CAD: variants seen among roughly 807,000 people sequenced by gnomAD.
CAD encodes the protein multifunctional protein CAD.
Under a neutral mutation model 237.2 loss-of-function variants are expected in CAD, and 81 were observed. That is an observed-to-expected ratio of 0.34 (90% confidence interval 0.29 to 0.41). CAD has a LOEUF of 0.41. Among genes scored for constraint, CAD ranks in the 10% least tolerant of loss-of-function variants. CAD has a pLI of 1.00. For synonymous variants in CAD, 1,196 were observed against 1,162.8 expected (o/e 1.03, Z -0.58); for missense variants, 2,181 against 2,951.7 (o/e 0.74, Z 6.05).
At chr2:27,222,796 G>A in intron 5 of CAD, 70 bp from the exon 6 acceptor site, 32 of 1,567,348 alleles carry the variant, frequency 2.0e-5, no homozygotes, top group Non-Finnish European at 2.7e-5. Flanking sequence ...CTCATGGGCT[G>A]GGGGGGCTGC....
Position 27,243,854 on chromosome 2 carries a change from C to T in CAD, c.*336C>T, listed in dbSNP as rs1452955415. The T allele has an allele frequency of 1.5e-5, 4 of 270,490 alleles. No homozygotes were observed. The highest frequency in any genetic ancestry group is 2.8e-5 in the Non-Finnish European group (4 of 141,424). The allele number at this position is 270,490 out of a possible 1,614,324, so 16.8% of individuals were successfully genotyped here. A position where few individuals can be genotyped will look rare whatever the true frequency, so the allele number is the denominator to read the frequency against. ...CAGATTCCCAAATTATAAGAGCAGC[C>T]TCACCAGGCAGGGCTCTGGCTAGGG... On this transcript the variant is annotated 3_prime_UTR_variant, in exon 44 of 44. Coordinates refer to ENST00000264705, the MANE Select transcript of CAD (RefSeq NM_004341.5).
intron 2 of CAD, among the ~76,000 whole-genome samples, chr2:27,220,963 AAATAAAT>A (rs987472544): frequency 6.6e-6 from 1 of 152,110 alleles, no homozygotes; most frequent in Admixed American, 6.5e-5. Flanking sequence ...GTCTCAAAAA[AAATAAAT>A]AATAAATAAA....
rs1284900753 is a variant in CAD at position 27,226,865 on chromosome 2, A to G, written c.2190A>G (p.Glu730=). 1 of 1,613,850 alleles carries G rather than the reference A, an allele frequency of 6.2e-7. No homozygotes were observed. Among genetic ancestry groups the G allele is most frequent in the African/African-American group, 1.3e-5 (1 of 74,822 alleles). Residue 730 remains glutamate (E), a synonymous_variant, in exon 15 of 44, where the codon GAA becomes GAG. Transcript: ENST00000264705. ...NSVTGGTAAF[E]PSVDYCVVKI... ...TGACAGGGGGTACAGCAGCCTTTGA[A>G]CCCAGCGTGGATTATTGTGTGGTGA...
chr2:27,218,797 A>G (rs1454283641), intron 2 of CAD, among the ~76,000 whole-genome samples: 2 of 152,160 alleles, frequency 1.3e-5, no homozygotes, highest in Admixed American at 6.5e-5. Context: ...GTAATAGAGG[A>G]AGTCAATCTG....
rs546658803 is a variant in CAD at position 27,224,090 on chromosome 2, A to T, written c.1108+61A>T. On this transcript the variant is annotated intron_variant, in intron 8 of 43. Coordinates refer to ENST00000264705, the MANE Select transcript of CAD (RefSeq NM_004341.5). ...GAACAGGGTTGGCTCCAGGATGGGC[A>T]TAAGGTGGACATGCCCTGGGCAACT... 6 of 1,269,506 alleles carry T rather than the reference A, an allele frequency of 4.7e-6. No individual in the cohort carries two copies. In the East Asian group the frequency reaches 1.4e-4, roughly 29 times the overall value. The allele number at this position is 1,269,506 out of a possible 1,614,324, so 78.6% of individuals were successfully genotyped here.
chr2:27,232,041 A>T lies in CAD; in HGVS notation c.2462A>T (p.Tyr821Phe). Reference sequence around the variant, plus strand: ...GTGGCAGCTGCTTTGTGGGCTGGTTATTCAGTGGACCGCCTGTATGAGCTC... The same window carrying T: ...GTGGCAGCTGCTTTGTGGGCTGGTTTTTCAGTGGACCGCCTGTATGAGCTC... ...FVVAAALWAG[Y>F]SVDRLYELTR... The change falls in exon 17 of 44, where the codon TAT (tyrosine) becomes TTT (phenylalanine). Residue 821 changes from tyrosine to phenylalanine, a missense_variant. Tyr to Phe is a conservative substitution (Grantham distance 22, BLOSUM62 3). This residue lies in a region of CAD where 385 missense variants were observed against 535.1 expected (regional missense o/e 0.72). Transcript: ENST00000264705. This position sits in a 1 kb window ranked among gnomAD's most constrained non-coding sequence, Gnocchi z 4.1. 1 of 1,614,240 alleles carries T rather than the reference A, an allele frequency of 6.2e-7. No individual in the cohort carries two copies. Among genetic ancestry groups the T allele is most frequent in the Non-Finnish European group, 8.5e-7 (1 of 1,180,046 alleles).
At position 27,242,275 on chromosome 2, in the gene CAD, A is replaced by G. The variant is rs974267101; in HGVS notation, c.6097-27A>G. Reference sequence around the variant, plus strand: ...CAGTTGGGGGGCCTCTGAGCTGCAAAAGACAGGATTTTCCCCTTTTTTCCA... The same window carrying G: ...CAGTTGGGGGGCCTCTGAGCTGCAAGAGACAGGATTTTCCCCTTTTTTCCA... On this transcript the variant is annotated intron_variant, in intron 39 of 43. Transcript: ENST00000264705. This position sits in a 1 kb window ranked among gnomAD's most constrained non-coding sequence, Gnocchi z 6.4. The G allele has an allele frequency of 1.9e-6, 3 of 1,598,118 alleles. No individual in the cohort carries two copies. The African/African-American group carries it at 4.0e-5, about 21-fold the overall frequency.
At chr2:27,230,529 G>A (rs968659565) in intron 15 of CAD, among the ~76,000 whole-genome samples, 7 of 152,042 alleles carry the variant, frequency 4.6e-5, no homozygotes, top group Non-Finnish European at 7.4e-5. Flanking sequence ...AGGAGGCTGA[G>A]GCAGGAGAAT....
Position 27,242,874 on chromosome 2 carries a change from G to A in CAD, c.6381G>A (p.Glu2127=), listed in dbSNP as rs917007221. Residue 2127 remains glutamate (E), a splice_region_variant and synonymous_variant, in exon 42 of 44, where the codon GAG becomes GAA. Coordinates refer to ENST00000264705, the MANE Select transcript of CAD (RefSeq NM_004341.5). The surrounding 1 kb of genome is among the most constrained non-coding windows in gnomAD (Gnocchi z 6.4). ...AFVASRGTKQ[E]EFESIEEALP... is the part of the protein sequence containing the mutation. The stretch of plus-strand genomic sequence containing the variant: ...CCATGGCTCTCCTCACCCTCCAGGA[G>A]GAATTCGAGAGCATTGAGGAGGCGC... 1.2e-6 allele frequency: 2 copies of A among 1,614,158 alleles called. No individual in the cohort carries two copies. The highest frequency in any genetic ancestry group is 1.1e-5 in the South Asian group (1 of 91,080).
intron 15 of CAD, 81 bp from the exon 16 acceptor site, chr2:27,231,386 TA>T: frequency 1.3e-6 from 1 of 788,918 alleles, no homozygotes; most frequent in Non-Finnish European, 2.2e-6. Context: ...GTCTTGACTA[TA>T]AACCATAAGC....
chr2:27,237,634 C>T lies in CAD; in HGVS notation c.4564-84C>T, dbSNP rs1204673729. The T allele has an allele frequency of 3.2e-6, 5 of 1,572,788 alleles. No homozygotes were observed. The Admixed American group carries it at 8.7e-5, about 27-fold the overall frequency. Reference sequence around the variant, plus strand: ...CCTGAGCCCTTTTCCTTCTGCCCCGCCCTATGGGCCCAGGCCACTGGTGCC... The same window carrying T: ...CCTGAGCCCTTTTCCTTCTGCCCCGTCCTATGGGCCCAGGCCACTGGTGCC... On this transcript the variant is annotated intron_variant, in intron 28 of 43. Coordinates refer to ENST00000264705, the MANE Select transcript of CAD (RefSeq NM_004341.5). This position sits in a 1 kb window ranked among gnomAD's most constrained non-coding sequence, Gnocchi z 4.0.
At position 27,239,818 on chromosome 2, in the gene CAD, AG is replaced by A. The variant is rs1676213988; in HGVS notation, c.5496+25del. 2.0e-6 allele frequency: 3 copies of A among 1,496,650 alleles called. No homozygotes were observed. The highest frequency in any genetic ancestry group is 3.6e-4 in the Middle Eastern group (2 of 5,582). The allele number at this position is 1,496,650 out of a possible 1,614,324, so 92.7% of individuals were successfully genotyped here. On this transcript the variant is annotated intron_variant, in intron 34 of 43. Transcript: ENST00000264705. This position sits in a 1 kb window ranked among gnomAD's most constrained non-coding sequence, Gnocchi z 4.0. ...ACCACGGTATCCACACTACTGGGCT[AG>A]GGGGCTGGGAGGTGTTAGTCTCAGG...
At position 27,240,505 on chromosome 2, in the gene CAD, A is replaced by G; in HGVS notation, c.5593+144A>G. 2 of 1,523,044 alleles carry G rather than the reference A, an allele frequency of 1.3e-6. No individual in the cohort carries two copies. The highest frequency in any genetic ancestry group is 1.8e-6 in the Non-Finnish European group (2 of 1,118,586). 94.3% of individuals were successfully genotyped at this position (1,523,044 alleles called of 1,614,324 possible). On this transcript the variant is annotated intron_variant, in intron 35 of 43. Transcript: ENST00000264705. The surrounding 1 kb of genome is among the most constrained non-coding windows in gnomAD (Gnocchi z 4.6). ...TGCCGTGCCATCCTTTGCCTAAACA[A>G]GTCTCCCCGGTGTGAGTAGACATCT...
In CAD at chr2:27,233,959, TGA is replaced by T. The variant is rs1675885643; in HGVS notation, c.3400-44_3400-43del. On this transcript the variant is annotated intron_variant, in intron 21 of 43. Transcript: ENST00000264705. This position sits in a 1 kb window ranked among gnomAD's most constrained non-coding sequence, Gnocchi z 6.3. ...AAGGAAGAGACAATCCTAGAGTAAG[TGA>T]GAGAAGAAAGTGGCCCTATGTCCCA... 2 of 1,571,564 alleles carry T rather than the reference TGA, an allele frequency of 1.3e-6. No individual in the cohort carries two copies. Among genetic ancestry groups the T allele is most frequent in the Non-Finnish European group, 1.7e-6 (2 of 1,146,780 alleles).
chr2:27,240,927 G>A lies in CAD; in HGVS notation c.5610G>A (p.Glu1870=), dbSNP rs1235236901. 6.2e-7 allele frequency: 1 copy of A among 1,614,136 alleles called. No homozygotes were observed. Among genetic ancestry groups the A allele is most frequent in the East Asian group, 2.2e-5 (1 of 44,886 alleles). Residue 1870 remains glutamate (E), a synonymous_variant, in exon 36 of 44, where the codon GAG becomes GAA. Coordinates refer to ENST00000264705, the MANE Select transcript of CAD (RefSeq NM_004341.5). This position sits in a 1 kb window ranked among gnomAD's most constrained non-coding sequence, Gnocchi z 4.6. ...TGTTTGCAGCTGAGGAGCCAAAGGA[G>A]AAGTCCTCTCGGAAGGTAGCCGAGC... ...DPGLPAEEPK[E]KSSRKVAEPE... is the part of the protein sequence containing the mutation.
chr2:27,243,097 C>T, intron 42 of CAD, 101 bp from the exon 43 acceptor site: 1 of 1,345,176 alleles, frequency 7.4e-7, no homozygotes, highest in Admixed American at 1.8e-5. Context: ...ATTGCCATAG[C>T]TGCATGTGGG....
chr2:27,241,028 C>G lies in CAD; in HGVS notation c.5639-30C>G. Reference sequence around the variant, plus strand: ...GCCTTGGTAGGAGGAACCCTCTGACCAGCCTTTTCTGCCCCATCCCTCACT... The same window carrying G: ...GCCTTGGTAGGAGGAACCCTCTGACGAGCCTTTTCTGCCCCATCCCTCACT... On this transcript the variant is annotated intron_variant, in intron 36 of 43. Transcript: ENST00000264705. The surrounding 1 kb of genome is among the most constrained non-coding windows in gnomAD (Gnocchi z 4.6). The G allele has an allele frequency of 6.2e-7, 1 of 1,613,504 alleles. No homozygotes were observed. The highest frequency in any genetic ancestry group is 1.1e-5 in the South Asian group (1 of 91,048).
chr2:27,239,500 G>A lies in CAD; in HGVS notation c.5394+29G>A, dbSNP rs776324004. 15 of 1,608,546 alleles carry A rather than the reference G, an allele frequency of 9.3e-6. No individual in the cohort carries two copies. The Admixed American group carries it at 1.8e-4, about 20-fold the overall frequency. ...CGCAAGTAGCCCCTGCCTGATCTCA[G>A]TAGTGCCCTCTTCTGCACCACGTTC... On this transcript the variant is annotated intron_variant, in intron 33 of 43. Transcript: ENST00000264705. The surrounding 1 kb of genome is among the most constrained non-coding windows in gnomAD (Gnocchi z 4.0).
chr2:27,223,485 A>G, intron 6 of CAD, 78 bp from the exon 7 acceptor site: 2 of 1,269,728 alleles, frequency 1.6e-6, no homozygotes, highest in Non-Finnish European at 2.2e-6. Context: ...AGAACAGGAG[A>G]TCGGTGAGAG....
Sources: allele counts gnomAD v4.1 joint callset (sites outside exome capture counted in the v4.1 genomes callset), GRCh38; gene constraint gnomAD v4.1.1; regional missense constraint gnomAD v4.1.1; non-coding constraint Gnocchi (gnomAD v3.1); transcripts MANE v1.5; gene names NCBI Gene and HGNC (gene_info 2026-07-23, HGNC 2026-07-21).